Variants in ADRA1B observed in about 807,000 individuals in gnomAD.
The protein encoded by ADRA1B is alpha-1B adrenergic receptor.
A neutral mutation model predicts 17.9 loss-of-function variants in ADRA1B; 17 were observed. That is an observed-to-expected ratio of 0.95 (90% CI 0.65 to 1.42). The LOEUF (loss-of-function observed/expected upper bound fraction) is 1.42, where lower values mean the gene tolerates loss of function less well. Among genes scored for constraint, ADRA1B ranks in the 40% most tolerant of loss-of-function variants. The probability of loss-of-function intolerance (pLI) is 0.00; values close to 1 mark genes in which losing one functional copy is unlikely to be tolerated. For synonymous variants in ADRA1B, 366 were observed against 327.6 expected, an observed-to-expected ratio of 1.12 and a Z score of -1.27; for missense variants, 681 against 722.1, an observed-to-expected ratio of 0.94 and a Z score of 0.65.
At chr5:159,879,973 G>A (rs1199840357) in intron 1 of ADRA1B, among the ~76,000 whole-genome samples, 4 of 152,216 alleles carry the variant, frequency 2.6e-5, no homozygotes, top group South Asian at 2.1e-4. Context: ...TCCGGCTTGA[G>A]ATACAGAGCG....
chr5:159,955,307 CAG>C, intron 1 of ADRA1B: 1 of 478,162 alleles, frequency 2.1e-6, no homozygotes, highest in Non-Finnish European at 2.7e-6. Flanking sequence ...AGAGGTGACA[CAG>C]AGCCATCCAG....
intron 1 of ADRA1B, among the ~76,000 whole-genome samples, chr5:159,945,441 G>A (rs181722127): frequency 7.8e-4 from 118 of 152,254 alleles, no homozygotes; most frequent in Middle Eastern, 3.4e-3. Context: ...TGACTAGAAG[G>A]AGCCAGCCCT....
chr5:159,979,192 A>T, the ADRA1B span, among the ~76,000 whole-genome samples: 1 of 152,302 alleles, frequency 6.6e-6, no homozygotes, highest in East Asian at 1.9e-4. Flanking sequence ...AAAACCTTAC[A>T]TACAAGGTAG....
intron 1 of ADRA1B, among the ~76,000 whole-genome samples, chr5:159,932,906 T>C (rs1485620966): frequency 1.3e-5 from 2 of 152,210 alleles, no homozygotes; most frequent in East Asian, 3.8e-4. Context: ...AAAGACATTG[T>C]AGGTTATTTT....
At chr5:159,911,969 T>C (rs1300543343), upstream of ADRA1B, among the ~76,000 whole-genome samples, 6 of 152,194 alleles carry the variant, frequency 3.9e-5, no homozygotes, top group African/African-American at 1.4e-4. Flanking sequence ...GTTTAACCAC[T>C]CTGGGCCTCA....
chr5:159,950,640 G>T (rs1405439196), intron 1 of ADRA1B: 2 of 810,468 alleles, frequency 2.5e-6, no homozygotes, highest in African/African-American at 1.7e-5. Flanking sequence ...GGGTGTCTCT[G>T]TTGAAGTCAG....
chr5:159,928,759 G>A (rs1201927813), intron 1 of ADRA1B, among the ~76,000 whole-genome samples: 1 of 152,160 alleles, frequency 6.6e-6, no homozygotes, highest in Non-Finnish European at 1.5e-5. Context: ...TGGGACCAAG[G>A]GCAAGCCGGG....
At chr5:159,983,578 C>G in the ADRA1B span, among the ~76,000 whole-genome samples, 2 of 152,084 alleles carry the variant, frequency 1.3e-5, no homozygotes, top group Admixed American at 6.6e-5. Flanking sequence ...CCGTCTTAGC[C>G]GTGGGAATGT....
At chr5:159,878,858 T>C (rs931927442) in intron 1 of ADRA1B, among the ~76,000 whole-genome samples, 2 of 152,210 alleles carry the variant, frequency 1.3e-5, no homozygotes, top group Non-Finnish European at 2.9e-5. Context: ...ATTTATCAAC[T>C]AACATCTTCT....
intron 1 of ADRA1B, among the ~76,000 whole-genome samples, chr5:159,930,528 G>A (rs1024457824): frequency 3.9e-5 from 6 of 152,160 alleles, no homozygotes; most frequent in African/African-American, 1.4e-4. Context: ...GCAGTGAGCT[G>A]AGATCACACC....
chr5:159,950,988 C>A, intron 1 of ADRA1B: 1 of 632,290 alleles, frequency 1.6e-6, no homozygotes, highest in Non-Finnish European at 3.0e-6. Context: ...TGGAATCTTT[C>A]CACAATACCA....
chr5:159,955,139 G>A (rs1230212306), intron 1 of ADRA1B: 1 of 984,704 alleles, frequency 1.0e-6, no homozygotes, highest in Admixed American at 6.2e-5. Flanking sequence ...AGACAAGAAA[G>A]GGCTCTGGTG....
intron 1 of ADRA1B, among the ~76,000 whole-genome samples, chr5:159,942,222 G>A (rs974382803): frequency 5.3e-5 from 8 of 152,082 alleles, no homozygotes; most frequent in East Asian, 3.9e-4. Context: ...ATGGCCGGCC[G>A]GGTACTGGGT....
chr5:159,935,629 C>T (rs919830202), intron 1 of ADRA1B, among the ~76,000 whole-genome samples: 3 of 152,308 alleles, frequency 2.0e-5, no homozygotes, highest in Non-Finnish European at 4.4e-5. Flanking sequence ...TCACTGCAAT[C>T]TCCACCTCCT....
intron 1 of ADRA1B, chr5:159,888,614 A>G (rs1753951664): frequency 6.6e-6 from 1 of 152,206 alleles, no homozygotes; most frequent in Non-Finnish European, 1.5e-5. Context: ...GAACAAAAAA[A>G]AATGGGAAAG....
intron 1 of ADRA1B, among the ~76,000 whole-genome samples, chr5:159,901,809 C>T (rs529898596): frequency 6.6e-6 from 1 of 152,252 alleles, no homozygotes. Flanking sequence ...CAAGATATCA[C>T]CTCACACCCA....
At chr5:159,963,577 T>G (rs902322429) in intron 1 of ADRA1B, among the ~76,000 whole-genome samples, 4 of 152,210 alleles carry the variant, frequency 2.6e-5, no homozygotes, top group African/African-American at 9.6e-5. Flanking sequence ...ACAGTCATGA[T>G]GGACTGCCTT....
At chr5:159,873,618 C>A (rs949718412) in intron 1 of ADRA1B, among the ~76,000 whole-genome samples, 2 of 152,192 alleles carry the variant, frequency 1.3e-5, no homozygotes, top group African/African-American at 2.4e-5. Context: ...ACTATGACAG[C>A]CTATGACAGG....
chr5:159,908,579 C>T (rs994558852), intron 1 of ADRA1B, among the ~76,000 whole-genome samples: 1 of 152,164 alleles, frequency 6.6e-6, no homozygotes, highest in African/African-American at 2.4e-5. Context: ...AGCCTGAGTC[C>T]CTCACCAGAA....
Sources: gnomAD v4.1 joint callset for allele counts (sites outside exome capture counted in the v4.1 genomes callset) on GRCh38, gnomAD v4.1.1 for gene constraint, MANE v1.5 for transcripts, NCBI Gene and HGNC (gene_info 2026-07-23, HGNC 2026-07-21) for gene names.